The following KLF12 variants were observed in gnomAD, a reference collection of about 807,000 sequenced individuals.
The protein encoded by KLF12 is KLF transcription factor 12, also known as Krueppel-like factor 12.
A neutral mutation model predicts 37.8 loss-of-function variants in KLF12; 9 were observed. That is an observed-to-expected ratio of 0.24 (90% CI 0.14 to 0.42). The LOEUF is 0.42. Among genes scored for constraint, KLF12 ranks in the 10% least tolerant of loss-of-function variants. The probability of loss-of-function intolerance (pLI) is 1.00; values close to 1 mark genes in which losing one functional copy is unlikely to be tolerated. For synonymous variants in KLF12, 208 were observed against 202.1 expected (o/e 1.03, Z -0.25); for missense variants, 411 against 516.0 (o/e 0.80, Z 1.97).
chr13:73,867,713 G>A (rs1315492314), intron 3 of KLF12, among the ~76,000 whole-genome samples: 2 of 151,996 alleles, frequency 1.3e-5, no homozygotes, highest in African/African-American at 4.8e-5. Flanking sequence ...ACCACAATGC[G>A]ACCCCACAGT....
chr13:74,039,295 T>C (rs1178588020), intron 1 of KLF12, among the ~76,000 whole-genome samples: 2 of 152,110 alleles, frequency 1.3e-5, no homozygotes, highest in Non-Finnish European at 2.9e-5. Context: ...TCTTAGTACT[T>C]TGAGAGGCTG....
At chr13:74,275,394 A>G in the KLF12 span, among the ~76,000 whole-genome samples, 1 of 152,200 alleles carries the variant, frequency 6.6e-6, no homozygotes, top group Admixed American at 6.6e-5. Context: ...ACAATTCTAT[A>G]TTCCGTTATA....
chr13:73,945,607 T>C (rs1566475804), intron 2 of KLF12, among the ~76,000 whole-genome samples: 1 of 151,568 alleles, frequency 6.6e-6, no homozygotes, highest in Non-Finnish European at 1.5e-5. Flanking sequence ...TTAAGAAAAA[T>C]GTTCCAAGAA....
At position 73,846,184 on chromosome 13, in the gene KLF12, C is replaced by A. The variant is rs1303625637; in HGVS notation, c.313G>T (p.Ala105Ser). 6.2e-7 allele frequency: 1 copy of A among 1,614,092 alleles called. No homozygotes were observed. Among genetic ancestry groups the A allele is most frequent in the African/African-American group, 1.3e-5 (1 of 75,030 alleles). Residue 105 changes from alanine (A) to serine (S), a missense_variant, in exon 4 of 8, where the codon GCA becomes TCA. Coordinates refer to ENST00000377669, the MANE Select transcript of KLF12 (RefSeq NM_007249.5). ...GTTGAAGAAGGTGAGGAGGCAGATGCTGTCATGGAAACTGGGGAGGATGAA... is the reference window on the plus strand; with the variant it reads ...GTTGAAGAAGGTGAGGAGGCAGATGATGTCATGGAAACTGGGGAGGATGAA...
At chr13:74,253,385 T>A in the KLF12 span, among the ~76,000 whole-genome samples, 1 of 152,178 alleles carries the variant, frequency 6.6e-6, no homozygotes, top group Non-Finnish European at 1.5e-5. Context: ...GTGAAGACTT[T>A]GAAACCACAA....
At chr13:74,114,947 T>C (rs1877200414) in intron 1 of KLF12, among the ~76,000 whole-genome samples, 1 of 152,146 alleles carries the variant, frequency 6.6e-6, no homozygotes, top group African/African-American at 2.4e-5. Context: ...CTGTGAACTG[T>C]GCATGAGAAG....
At chr13:74,042,861 G>C (rs1282251593) in intron 1 of KLF12, among the ~76,000 whole-genome samples, 1 of 152,158 alleles carries the variant, frequency 6.6e-6, no homozygotes, top group Non-Finnish European at 1.5e-5. Flanking sequence ...AGACAGCACA[G>C]TGAATCTCTA....
chr13:74,255,708 G>A, the KLF12 span, among the ~76,000 whole-genome samples: 1 of 152,158 alleles, frequency 6.6e-6, no homozygotes, highest in Non-Finnish European at 1.5e-5. Flanking sequence ...AAATAAGATT[G>A]TTGTATATAG....
chr13:73,851,056 A>G (rs1431537648), intron 3 of KLF12, among the ~76,000 whole-genome samples: 1 of 152,216 alleles, frequency 6.6e-6, no homozygotes, highest in Admixed American at 6.5e-5. Context: ...TTATCCATCT[A>G]TAAAAGTGTG....
At chr13:74,305,430 T>C in the KLF12 span, among the ~76,000 whole-genome samples, 1 of 152,094 alleles carries the variant, frequency 6.6e-6, no homozygotes, top group Admixed American at 6.6e-5. Flanking sequence ...CACTACATAT[T>C]TAGTTGTTTT....
At chr13:74,304,548 A>T in the KLF12 span, among the ~76,000 whole-genome samples, 1 of 152,266 alleles carries the variant, frequency 6.6e-6, no homozygotes, top group Middle Eastern at 3.4e-3. Flanking sequence ...TATATTTTTA[A>T]CTTAAAATTT....
chr13:74,135,398 G>C (rs1049853608), upstream of KLF12, among the ~76,000 whole-genome samples: 9 of 151,928 alleles, frequency 5.9e-5, no homozygotes, highest in Non-Finnish European at 1.3e-4. Flanking sequence ...GCCCGGAGCC[G>C]AGTCCTTGAC....
intron 1 of KLF12, among the ~76,000 whole-genome samples, chr13:74,102,137 G>A (rs1271756449): frequency 6.6e-6 from 1 of 151,304 alleles, no homozygotes; most frequent in African/African-American, 2.4e-5. Flanking sequence ...AGAATCGCTT[G>A]AACCCAGGAG....
In KLF12 at chr13:73,715,462, G is replaced by A; in HGVS notation, c.933C>T (p.Ser311=). 6.2e-7 allele frequency: 1 copy of A among 1,614,058 alleles called. No individual in the cohort carries two copies. The highest frequency in any genetic ancestry group is 8.5e-7 in the Non-Finnish European group (1 of 1,179,960). ...CACATCTGTGGATACGCCGTTTTCTGGAGTCTGGGGATTCAGACCGTCTCT... is the reference window on the plus strand; with the variant it reads ...CACATCTGTGGATACGCCGTTTTCTAGAGTCTGGGGATTCAGACCGTCTCT... Residue 311 remains serine, a synonymous_variant, in exon 7 of 8, where the codon TCC becomes TCT. Coordinates refer to ENST00000377669, the MANE Select transcript of KLF12 (RefSeq NM_007249.5).
At chr13:74,297,686 G>A in the KLF12 span, among the ~76,000 whole-genome samples, 8 of 152,034 alleles carry the variant, frequency 5.3e-5, no homozygotes, top group African/African-American at 1.9e-4. Flanking sequence ...AAATAAAGAG[G>A]CAAAGATAAA....
chr13:73,960,161 T>G (rs1191241312), intron 2 of KLF12, among the ~76,000 whole-genome samples: 1 of 152,128 alleles, frequency 6.6e-6, no homozygotes, highest in Non-Finnish European at 1.5e-5. Flanking sequence ...GAGAACTAGA[T>G]GAATAGATTA....
chr13:74,002,343 G>C (rs1892301498), intron 1 of KLF12, among the ~76,000 whole-genome samples: 1 of 152,130 alleles, frequency 6.6e-6, no homozygotes, highest in Non-Finnish European at 1.5e-5. Flanking sequence ...TGTTTAGAAT[G>C]ACAAATTATT....
chr13:74,241,537 C>A, the KLF12 span, among the ~76,000 whole-genome samples: 1 of 152,216 alleles, frequency 6.6e-6, no homozygotes, highest in Admixed American at 6.5e-5. Flanking sequence ...GCGCCCCTCC[C>A]CCAGCCTCGC....
At chr13:74,118,507 G>A (rs1877442471) in intron 1 of KLF12, among the ~76,000 whole-genome samples, 1 of 152,136 alleles carries the variant, frequency 6.6e-6, no homozygotes, top group Non-Finnish European at 1.5e-5. Flanking sequence ...CCTCTGAATG[G>A]TGTGACTTTC....
Sources: allele counts gnomAD v4.1 joint callset (sites outside exome capture counted in the v4.1 genomes callset), GRCh38; gene constraint gnomAD v4.1.1; transcripts MANE v1.5; gene names NCBI Gene and HGNC (gene_info 2026-07-23, HGNC 2026-07-21).